Variants in CCDC83 observed in about 807,000 individuals in gnomAD.
CCDC83 encodes the protein coiled-coil domain-containing protein 83.
A neutral mutation model predicts 50.1 loss-of-function variants in CCDC83; 54 were observed. The ratio of observed to expected loss-of-function variants is 1.08; its 90% CI spans 0.87 to 1.35. The LOEUF is 1.35. Ranked by LOEUF, CCDC83 falls within the 40% of genes most tolerant of loss-of-function variation. CCDC83 has a pLI of 0.00. For synonymous variants in CCDC83, 161 were observed against 153.3 expected, an observed-to-expected ratio of 1.05 and a Z score of -0.37; for missense variants, 518 against 473.9, an observed-to-expected ratio of 1.09 and a Z score of -0.86.
chr11:85,867,594 T>A (rs900994655), intron 2 of CCDC83, among the ~76,000 whole-genome samples: 4 of 152,184 alleles, frequency 2.6e-5, no homozygotes, highest in Non-Finnish European at 5.9e-5. Flanking sequence ...TTTCTCAACA[T>A]AACTGAAAAC....
At chr11:85,902,826 C>G (rs7934759) in intron 7 of CCDC83, among the ~76,000 whole-genome samples, 55,794 of 151,978 alleles carry the variant, frequency 0.37, 11,247 homozygotes, top group African/African-American at 0.52. Flanking sequence ...CATGTTTATA[C>G]CATGGGTCAT....
intron 1 of CCDC83, among the ~76,000 whole-genome samples, chr11:85,859,817 C>T (rs567657424): frequency 2.7e-4 from 41 of 152,236 alleles, no homozygotes; most frequent in African/African-American, 9.9e-4. Context: ...AAAAAATAGA[C>T]AAGTGGGACT....
chr11:85,914,090 C>T (rs573261575), intron 8 of CCDC83, among the ~76,000 whole-genome samples: 1 of 152,278 alleles, frequency 6.6e-6, no homozygotes, highest in Admixed American at 6.5e-5. Flanking sequence ...TACTAAGGTA[C>T]CTTTACTAAA....
chr11:85,880,813 T>C (rs1007079217), intron 3 of CCDC83, among the ~76,000 whole-genome samples: 4 of 152,152 alleles, frequency 2.6e-5, no homozygotes, highest in Non-Finnish European at 5.9e-5. Context: ...GGACCAGAAG[T>C]GTTTCCAATT....
At chr11:85,897,788 G>A (rs2093381979) in intron 6 of CCDC83, among the ~76,000 whole-genome samples, 1 of 152,188 alleles carries the variant, frequency 6.6e-6, no homozygotes, top group African/African-American at 2.4e-5. Context: ...CGGCTCCTAA[G>A]AAATATAGGT....
intron 4 of CCDC83, among the ~76,000 whole-genome samples, chr11:85,885,626 C>T (rs2093323221): frequency 6.6e-6 from 1 of 152,116 alleles, no homozygotes; most frequent in African/African-American, 2.4e-5. Flanking sequence ...GGGAACTTGC[C>T]CATCACTCTG....
intron 7 of CCDC83, among the ~76,000 whole-genome samples, chr11:85,902,818 T>C (rs2093408203): frequency 6.6e-6 from 1 of 152,178 alleles, no homozygotes; most frequent in Non-Finnish European, 1.5e-5. Context: ...GCAGAGCCCA[T>C]GTTTATACCA....
intron 2 of CCDC83, among the ~76,000 whole-genome samples, chr11:85,868,026 T>TC (rs140439130): frequency 0.14 from 21,389 of 152,178 alleles, 1,816 homozygotes; most frequent in Middle Eastern, 0.2. Flanking sequence ...GTCCAGGAGT[T>TC]CCCTGGCGCC....
At chr11:85,889,732 A>G (rs2093343110) in intron 5 of CCDC83, among the ~76,000 whole-genome samples, 1 of 152,182 alleles carries the variant, frequency 6.6e-6, no homozygotes, top group Admixed American at 6.5e-5. Context: ...ATTCTCCTCC[A>G]ATGATTATGG....
intron 1 of CCDC83, among the ~76,000 whole-genome samples, chr11:85,860,596 A>C (rs1260899523): frequency 6.6e-6 from 1 of 152,196 alleles, no homozygotes; most frequent in East Asian, 1.9e-4. Context: ...CAAAGAACTT[A>C]AAACAGAAAT....
chr11:85,917,166 G>GAAAGAAAAGAAAGAAAGAA (rs59229600), intron 10 of CCDC83, among the ~76,000 whole-genome samples: 1 of 62,416 alleles, frequency 1.6e-5, no homozygotes, highest in Non-Finnish European at 3.4e-5. Context: ...GAGAGAGAGA[G>GAAAGAAAAGAAAGAAAGAA]AGAAAGAAAG....
At chr11:85,917,192 G>GAAAGAAAGAAAGAGAA (rs368407830) in intron 10 of CCDC83, among the ~76,000 whole-genome samples, 1 of 79,798 alleles carries the variant, frequency 1.3e-5, no homozygotes. Flanking sequence ...AAGAAAGAAA[G>GAAAGAAAGAAAGAGAA]AGAAAGAAAG....
chr11:85,900,123 G>A (rs1428175673), intron 7 of CCDC83, among the ~76,000 whole-genome samples: 2 of 152,152 alleles, frequency 1.3e-5, no homozygotes, highest in Non-Finnish European at 2.9e-5. Flanking sequence ...TGGAATCCTG[G>A]GAGATTCTCT....
chr11:85,899,735 G>C (rs1041840263), intron 7 of CCDC83, among the ~76,000 whole-genome samples: 9 of 152,116 alleles, frequency 5.9e-5, no homozygotes, highest in African/African-American at 2.2e-4. Context: ...CATGGCACCT[G>C]ATAAATAATC....
chr11:85,912,958 C>A (rs2093461767), intron 8 of CCDC83, among the ~76,000 whole-genome samples: 1 of 152,134 alleles, frequency 6.6e-6, no homozygotes, highest in Admixed American at 6.5e-5. Flanking sequence ...GGGGACTTGG[C>A]AAGAACAGAA....
chr11:85,917,154 G>GAAGGCA (rs1407223054), intron 10 of CCDC83, among the ~76,000 whole-genome samples: 124 of 69,752 alleles, frequency 1.8e-3, no homozygotes, highest in African/African-American at 6.2e-3. Context: ...GAGAGAGAGA[G>GAAGGCA]AGAGAGAGAG....
intron 2 of CCDC83, among the ~76,000 whole-genome samples, chr11:85,869,245 T>C (rs976258063): frequency 6.6e-6 from 1 of 152,180 alleles, no homozygotes; most frequent in African/African-American, 2.4e-5. Context: ...AGGAACTCTT[T>C]CCCGGAACAT....
intron 3 of CCDC83, among the ~76,000 whole-genome samples, chr11:85,879,546 AG>A (rs1163141236): frequency 6.6e-6 from 1 of 152,214 alleles, no homozygotes; most frequent in East Asian, 1.9e-4. Flanking sequence ...AACCACAATG[AG>A]GTACCACTTT....
chr11:85,916,586 T>C (rs2093478107), intron 10 of CCDC83: 2 of 284,738 alleles, frequency 7.0e-6, no homozygotes, highest in African/African-American at 4.7e-5. Flanking sequence ...AGTTCTCACT[T>C]GGTGGACTCT....
Sources: gnomAD v4.1 joint callset for allele counts (sites outside exome capture counted in the v4.1 genomes callset) on GRCh38, gnomAD v4.1.1 for gene constraint, MANE v1.5 for transcripts, NCBI Gene and HGNC (gene_info 2026-07-23, HGNC 2026-07-21) for gene names.